DIS3L2: variants seen among roughly 807,000 people sequenced by gnomAD.
DIS3L2 encodes DIS3-like exonuclease 2.
A neutral mutation model predicts 97.5 loss-of-function variants in DIS3L2; 34 were observed. The observed-to-expected ratio is 0.35, with a 90% CI of 0.27 to 0.46. DIS3L2 has a LOEUF of 0.46. Among genes scored for constraint, DIS3L2 ranks in the 20% least tolerant of loss-of-function variants. The probability of loss-of-function intolerance (pLI) is 1.00; values close to 1 mark genes in which losing one functional copy is unlikely to be tolerated. For missense variants in DIS3L2, 1,038 were observed against 1,146.0 expected (o/e 0.91, Z 1.36); for synonymous variants, 435 against 445.2 (o/e 0.98, Z 0.29).
intron 1 of DIS3L2, among the ~76,000 whole-genome samples, chr2:231,965,258 G>A (rs1374835759): frequency 2.0e-5 from 3 of 152,090 alleles, no homozygotes; most frequent in Non-Finnish European, 4.4e-5. Flanking sequence ...TTATTTGACT[G>A]GTATTTCTGA....
chr2:232,159,088 G>A (rs761228189), intron 8 of DIS3L2, among the ~76,000 whole-genome samples: 11 of 152,084 alleles, frequency 7.2e-5, no homozygotes, highest in Admixed American at 1.3e-4. Context: ...AATTGTCTGG[G>A]TTCCTGGTTA....
At chr2:232,123,326 A>G (rs1697963645) in intron 6 of DIS3L2, among the ~76,000 whole-genome samples, 1 of 152,150 alleles carries the variant, frequency 6.6e-6, no homozygotes, top group African/African-American at 2.4e-5. Context: ...AAAAAACCCT[A>G]AGATAATAAT....
intron 1 of DIS3L2, among the ~76,000 whole-genome samples, chr2:231,972,816 T>C (rs1475096239): frequency 6.6e-6 from 1 of 152,186 alleles, no homozygotes; most frequent in East Asian, 1.9e-4. Context: ...AGTGCTGGGA[T>C]TACAGGTGTG....
chr2:232,276,414 T>C lies in DIS3L2; in HGVS notation c.1659+12974T>C, dbSNP rs1473890869. On this transcript the variant is annotated intron_variant, in intron 13 of 20. Coordinates refer to ENST00000325385, the MANE Select transcript of DIS3L2 (RefSeq NM_152383.5). This position sits in a 1 kb window ranked among gnomAD's most constrained non-coding sequence, Gnocchi z 4.4. ...ATGCCAGAGCACAGCTGAGCTCACC[T>C]CGAGGGGAGCAGAGCTCCTATCTTT... 6.6e-6 allele frequency among the ~76,000 whole-genome samples: 1 copy of C among 152,212 alleles called. No homozygotes were observed. The highest frequency in any genetic ancestry group is 2.4e-5 in the African/African-American group (1 of 41,454).
chr2:232,026,682 A>G (rs891254749), intron 4 of DIS3L2, among the ~76,000 whole-genome samples: 2 of 152,106 alleles, frequency 1.3e-5, no homozygotes, highest in Non-Finnish European at 2.9e-5. Flanking sequence ...GCAGGGCCAG[A>G]GCAGAGGTCC....
At chr2:232,158,106 T>C (rs565724943) in intron 8 of DIS3L2, among the ~76,000 whole-genome samples, 6 of 152,304 alleles carry the variant, frequency 3.9e-5, no homozygotes, top group African/African-American at 1.4e-4. Flanking sequence ...CAGGTTGTCC[T>C]TCCTCAGCTA....
At chr2:232,149,341 T>TC (rs1184949273) in intron 8 of DIS3L2, among the ~76,000 whole-genome samples, 11 of 91,044 alleles carry the variant, frequency 1.2e-4, no homozygotes, top group African/African-American at 4.9e-4. Context: ...ATGCTATCCC[T>TC]CCCCCCTCCC....
intron 6 of DIS3L2, among the ~76,000 whole-genome samples, chr2:232,092,334 C>G (rs1696868630): frequency 6.6e-6 from 1 of 152,130 alleles, no homozygotes; most frequent in Admixed American, 6.6e-5. Flanking sequence ...AATTTGAAGT[C>G]TGGTAATCTG....
At chr2:232,256,554 C>T (rs1219514534) in intron 12 of DIS3L2, among the ~76,000 whole-genome samples, 1 of 152,224 alleles carries the variant, frequency 6.6e-6, no homozygotes, top group Admixed American at 6.5e-5. Flanking sequence ...TTATTCGTCA[C>T]TAGGTTCCAA....
chr2:232,165,263 ATATAT>A (rs1690770142), intron 9 of DIS3L2, among the ~76,000 whole-genome samples: 1 of 152,228 alleles, frequency 6.6e-6, no homozygotes, highest in Admixed American at 6.5e-5. Context: ...AATAGCTATA[ATATAT>A]TATTAAGTCA....
intron 13 of DIS3L2, among the ~76,000 whole-genome samples, chr2:232,264,922 C>T (rs1194865342): frequency 6.6e-6 from 1 of 152,202 alleles, no homozygotes; most frequent in Admixed American, 6.5e-5. Context: ...TGGGCTCGGG[C>T]AGCCTGAGCA....
Position 232,336,744 on chromosome 2 carries a change from T to G in DIS3L2, c.*114T>G. ...TTTGGTTTTTAACAACTCAGGGGTT[T>G]GTTTTTATTTTTATTTAATTTTTGC... On this transcript the variant is annotated 3_prime_UTR_variant, in exon 21 of 21. Transcript: ENST00000325385. 1 of 1,487,884 alleles carries G rather than the reference T, an allele frequency of 6.7e-7. No homozygotes were observed. Among genetic ancestry groups the G allele is most frequent in the South Asian group, 1.3e-5 (1 of 76,616 alleles). The allele number at this position is 1,487,884 out of a possible 1,614,324, so 92.2% of individuals were successfully genotyped here.
intron 9 of DIS3L2, among the ~76,000 whole-genome samples, chr2:232,188,353 A>G (rs1476777397): frequency 6.6e-6 from 1 of 152,222 alleles, no homozygotes; most frequent in Non-Finnish European, 1.5e-5. Flanking sequence ...ATTGTATGCT[A>G]TAAAATGATA....
chr2:232,188,767 CTGT>C (rs1691520186), intron 9 of DIS3L2, among the ~76,000 whole-genome samples: 1 of 152,118 alleles, frequency 6.6e-6, no homozygotes, highest in African/African-American at 2.4e-5. Context: ...ATGAAAGATG[CTGT>C]TAAGAAAAGA....
At chr2:232,070,620 T>G (rs1695987349) in intron 5 of DIS3L2, among the ~76,000 whole-genome samples, 1 of 151,410 alleles carries the variant, frequency 6.6e-6, no homozygotes, top group Non-Finnish European at 1.5e-5. Flanking sequence ...AGTCTCACTC[T>G]GTCGCCCAGG....
At chr2:232,034,584 C>T (rs36101626) in intron 5 of DIS3L2, among the ~76,000 whole-genome samples, 67,526 of 151,974 alleles carry the variant, frequency 0.44, 17,879 homozygotes, top group Non-Finnish European at 0.6. Context: ...AAATTTTTCC[C>T]GCTTTCTCCT....
At position 232,268,308 on chromosome 2, in the gene DIS3L2, TTTGAGTGGAC is replaced by T. The variant is rs370242489; in HGVS notation, c.1659+4873_1659+4882del. ...TGAAACCCAAACTGCAGGCAGTTTC[TTTGAGTGGAC>T]TTGATTGTAAAGATAGCCTTGTTAA... is the stretch of plus-strand genomic sequence containing the variant. On this transcript the variant is annotated intron_variant, in intron 13 of 20. Transcript: ENST00000325385. This position sits in a 1 kb window ranked among gnomAD's most constrained non-coding sequence, Gnocchi z 4.1. Among the ~76,000 whole-genome samples the T allele has an allele frequency of 1.3e-5, 2 of 152,348 alleles. No homozygotes were observed. Among genetic ancestry groups the T allele is most frequent in the East Asian group, 3.9e-4 (2 of 5,188 alleles).
At chr2:232,172,979 T>C (rs1691036177) in intron 9 of DIS3L2, among the ~76,000 whole-genome samples, 1 of 152,226 alleles carries the variant, frequency 6.6e-6, no homozygotes, top group African/African-American at 2.4e-5. Flanking sequence ...TTAAAATGGA[T>C]TGCCTTTCTA....
At chr2:232,015,426 A>G (rs1195785134) in intron 2 of DIS3L2, 88 bp from the exon 3 acceptor site, 5 of 1,507,026 alleles carry the variant, frequency 3.3e-6, no homozygotes, top group Admixed American at 4.4e-5. Flanking sequence ...GTCTCTTTAA[A>G]TAATAATTGT....
Sources: gnomAD v4.1 joint callset for allele counts (sites outside exome capture counted in the v4.1 genomes callset) on GRCh38, gnomAD v4.1.1 for gene constraint, Gnocchi (gnomAD v3.1) non-coding constraint, MANE v1.5 for transcripts, NCBI Gene and HGNC (gene_info 2026-07-23, HGNC 2026-07-21) for gene names.